RUFY1: variants seen among roughly 807,000 people sequenced by gnomAD.
RUFY1 encodes RUN and FYVE domain containing 1.
Under a neutral mutation model 94.6 loss-of-function variants are expected in RUFY1, and 54 were observed. The ratio of observed to expected loss-of-function variants is 0.57; its 90% confidence interval spans 0.46 to 0.72. The LOEUF is 0.72. Ranked by LOEUF, RUFY1 falls within the 30% of genes least tolerant of loss-of-function variation. The pLI, the probability that RUFY1 is intolerant of heterozygous loss-of-function variation, is 0.00. For synonymous variants in RUFY1, 396 were observed against 347.3 expected, an observed-to-expected ratio of 1.14 and a Z score of -1.56; for missense variants, 883 against 883.9, an observed-to-expected ratio of 1.00 and a Z score of 0.01.
intron 1 of RUFY1, chr5:179,559,619 C>T (rs541749938): frequency 9.9e-5 from 96 of 969,746 alleles, no homozygotes; most frequent in Non-Finnish European, 1.1e-4. Context: ...TGTTTGGGGG[C>T]GGGACGCTTT....
At chr5:179,567,836 G>A (rs540083894) in intron 4 of RUFY1, among the ~76,000 whole-genome samples, 16 of 152,072 alleles carry the variant, frequency 1.1e-4, no homozygotes, top group Middle Eastern at 3.4e-3. Context: ...CCCGCGAGGC[G>A]GAGGTTGCAG....
At chr5:179,594,823 A>G (rs765083205) in intron 11 of RUFY1, 43 bp from the exon 12 acceptor site, 1 of 1,167,382 alleles carries the variant, frequency 8.6e-7, no homozygotes, top group East Asian at 2.5e-5. Flanking sequence ...AGGTGCAAGG[A>G]TGTGGGACAG....
intron 15 of RUFY1, among the ~76,000 whole-genome samples, chr5:179,604,036 A>C (rs57785769): frequency 6.6e-6 from 1 of 152,144 alleles, no homozygotes; most frequent in African/African-American, 2.4e-5. Flanking sequence ...CAGCCTGGGC[A>C]ATAAGAGTGA....
chr5:179,588,678 C>T (rs921729929), intron 8 of RUFY1, among the ~76,000 whole-genome samples: 3 of 152,158 alleles, frequency 2.0e-5, no homozygotes, highest in Non-Finnish European at 2.9e-5. Context: ...AACCCCTTTA[C>T]TAAGTGACAA....
chr5:179,573,343 A>G (rs1021586219), intron 5 of RUFY1, among the ~76,000 whole-genome samples: 9 of 152,170 alleles, frequency 5.9e-5, no homozygotes, highest in African/African-American at 1.7e-4. Context: ...GTCTAGTGCT[A>G]TCTTGAATGG....
intron 13 of RUFY1, among the ~76,000 whole-genome samples, chr5:179,597,136 C>T (rs1765735800): frequency 1.3e-5 from 2 of 151,894 alleles, no homozygotes; most frequent in Non-Finnish European, 2.9e-5. Flanking sequence ...CACTGCAACC[C>T]CCACCTCCTG....
intron 1 of RUFY1, among the ~76,000 whole-genome samples, chr5:179,558,765 T>C (rs1762236045): frequency 6.6e-6 from 1 of 152,182 alleles, no homozygotes; most frequent in Admixed American, 6.6e-5. Flanking sequence ...TTAAGACCTT[T>C]ACTACAAGTT....
intron 2 of RUFY1, among the ~76,000 whole-genome samples, chr5:179,560,650 C>CG (rs1200250856): frequency 6.9e-6 from 1 of 145,530 alleles, no homozygotes; most frequent in Non-Finnish European, 1.5e-5. Flanking sequence ...GGCGTGATCC[C>CG]GGGAGGCGGA....
chr5:179,560,245 T>A, intron 2 of RUFY1, 47 bp downstream of exon 2: 1 of 1,591,164 alleles, frequency 6.3e-7, no homozygotes, highest in Non-Finnish European at 8.6e-7. Context: ...GGGCTGGGTG[T>A]TTGCTCAGCA....
rs1765738118 is a variant in RUFY1, at chr5:179,597,160, C to A, written c.1631+479C>A. Among the ~76,000 whole-genome samples the A allele has an allele frequency of 2.0e-5, 3 of 152,198 alleles. No homozygotes were observed. The South Asian group carries it at 6.2e-4, about 31-fold the overall frequency. ...CCCCACCTCCTGGGCTCAAGCGATT[C>A]TTGTGCCTCAGCCTCCTGAGTAGCT... On this transcript the variant is annotated intron_variant, in intron 13 of 17. Transcript: ENST00000319449.
intron 16 of RUFY1, chr5:179,607,158 T>TA: frequency 4.4e-6 from 1 of 228,296 alleles, no homozygotes; most frequent in South Asian, 6.1e-5. Flanking sequence ...ACAAGTGTCT[T>TA]AGTCTCACTC....
chr5:179,600,343 C>G lies in RUFY1; in HGVS notation c.1761+1522C>G, dbSNP rs528393005. The stretch of plus-strand genomic sequence containing the variant: ...CCATCCTGGCCTTAACAGACTGGCT[C>G]AAGGTGCACTGGCCCCAGGTGTCAG... On this transcript the variant is annotated intron_variant, in intron 14 of 17. Transcript: ENST00000319449. Among the ~76,000 whole-genome samples, 18 of 152,288 alleles carry G rather than the reference C, an allele frequency of 1.2e-4. No homozygotes were observed. In the East Asian group the frequency reaches 2.1e-3, roughly 18 times the overall value.
At chr5:179,583,145 A>T (rs1764291860) in intron 7 of RUFY1, among the ~76,000 whole-genome samples, 1 of 151,760 alleles carries the variant, frequency 6.6e-6, no homozygotes, top group Non-Finnish European at 1.5e-5. Context: ...TCTACTAAAA[A>T]TACAAAAATT....
intron 5 of RUFY1, chr5:179,572,424 A>G (rs573097878): frequency 5.3e-5 from 10 of 189,322 alleles, no homozygotes; most frequent in African/African-American, 2.4e-5. Flanking sequence ...AACAACCCCC[A>G]GAAGTAGGGA....
chr5:179,563,946 A>G (rs559619131), intron 3 of RUFY1, among the ~76,000 whole-genome samples: 1 of 152,194 alleles, frequency 6.6e-6, no homozygotes, highest in Non-Finnish European at 1.5e-5. Context: ...TGCTGGGATT[A>G]CAGGCGTGAG....
chr5:179,598,641 TC>T, intron 13 of RUFY1, 50 bp from the exon 14 acceptor site: 2 of 1,608,378 alleles, frequency 1.2e-6, no homozygotes, highest in Non-Finnish European at 1.7e-6. Context: ...TTGTGAATCT[TC>T]CGTGAAAGTC....
chr5:179,604,799 T>C (rs1464054461), intron 15 of RUFY1, among the ~76,000 whole-genome samples: 1 of 151,378 alleles, frequency 6.6e-6, no homozygotes, highest in African/African-American at 2.4e-5. Context: ...CAGGCCAATA[T>C]GGTGAAACCC....
intron 2 of RUFY1, among the ~76,000 whole-genome samples, chr5:179,560,400 G>T (rs1030528614): frequency 4.6e-5 from 7 of 152,200 alleles, no homozygotes; most frequent in African/African-American, 1.4e-4. Context: ...CAATTTTAAA[G>T]TTTCTGGTAG....
At chr5:179,582,774 C>T (rs1764263625) in intron 7 of RUFY1, among the ~76,000 whole-genome samples, 1 of 151,984 alleles carries the variant, frequency 6.6e-6, no homozygotes, top group South Asian at 2.1e-4. Flanking sequence ...ACCCGGGAGA[C>T]GGAGGTTGCA....
Sources: gnomAD v4.1 joint callset for allele counts (sites outside exome capture counted in the v4.1 genomes callset) on GRCh38, gnomAD v4.1.1 for gene constraint, MANE v1.5 for transcripts, NCBI Gene and HGNC (gene_info 2026-07-23, HGNC 2026-07-21) for gene names.